GRIK4: variants seen among roughly 807,000 people sequenced by gnomAD.
GRIK4 encodes glutamate receptor ionotropic, kainate 4.
Under a neutral mutation model 104.9 loss-of-function variants are expected in GRIK4, and 40 were observed. The ratio of observed to expected loss-of-function variants is 0.38; its 90% CI spans 0.30 to 0.50. The LOEUF is 0.50. Ranked by LOEUF, GRIK4 falls within the 20% of genes least tolerant of loss-of-function variation. The pLI is 0.93. For missense variants in GRIK4, 1,047 were observed against 1,308.1 expected (o/e 0.80, Z 3.08); for synonymous variants, 485 against 524.9 (o/e 0.92, Z 1.04).
At chr11:120,853,442 A>C (rs1047073668) in intron 8 of GRIK4, among the ~76,000 whole-genome samples, 1 of 152,212 alleles carries the variant, frequency 6.6e-6, no homozygotes, top group Non-Finnish European at 1.5e-5. Flanking sequence ...CAAGCTGGTG[A>C]GGATCTGATT....
At chr11:120,722,612 CAAA>C (rs35167995) in intron 3 of GRIK4, among the ~76,000 whole-genome samples, 5 of 142,052 alleles carry the variant, frequency 3.5e-5, no homozygotes, top group Admixed American at 2.1e-4. Context: ...GAGACTCCAT[CAAA>C]AAAAAAAAAA....
intron 3 of GRIK4, among the ~76,000 whole-genome samples, chr11:120,747,945 T>C (rs556850989): frequency 8.0e-4 from 122 of 152,324 alleles, no homozygotes; most frequent in African/African-American, 2.8e-3. Flanking sequence ...ATGAGTAAAC[T>C]TGACTATTTA....
At chr11:120,576,369 G>A (rs1299155755) in intron 1 of GRIK4, 1 of 152,174 alleles carries the variant, frequency 6.6e-6, no homozygotes, top group Non-Finnish European at 1.5e-5. Context: ...ATAGGTGATA[G>A]ATTTGTCTTC....
At chr11:120,942,600 C>G (rs1452310691) in intron 14 of GRIK4, among the ~76,000 whole-genome samples, 1 of 152,172 alleles carries the variant, frequency 6.6e-6, no homozygotes, top group African/African-American at 2.4e-5. Flanking sequence ...CTGCCCTCCC[C>G]ACCTAGGGCA....
chr11:120,742,363 A>G (rs1951348321), intron 3 of GRIK4, among the ~76,000 whole-genome samples: 2 of 151,310 alleles, frequency 1.3e-5, no homozygotes, highest in South Asian at 4.2e-4. Context: ...AAAAAAAAAA[A>G]GTGGGCAAAG....
At chr11:120,915,435 C>A (rs529573536) in intron 13 of GRIK4, among the ~76,000 whole-genome samples, 1 of 152,110 alleles carries the variant, frequency 6.6e-6, no homozygotes, top group Non-Finnish European at 1.5e-5. Flanking sequence ...TGCCAGGCTG[C>A]GGCTGGGCTC....
chr11:120,732,341 G>A (rs2135393485), intron 3 of GRIK4, among the ~76,000 whole-genome samples: 1 of 152,144 alleles, frequency 6.6e-6, no homozygotes, highest in African/African-American at 2.4e-5. Flanking sequence ...CACCATATTG[G>A]CTAGCCTGGT....
chr11:120,822,360 C>A (rs754919986), intron 6 of GRIK4, among the ~76,000 whole-genome samples: 6 of 151,996 alleles, frequency 3.9e-5, no homozygotes, highest in Non-Finnish European at 8.8e-5. Context: ...AAGGGAGGCC[C>A]AGAAGGTAGC....
Position 120,537,516 on chromosome 11 carries a change from C to G in GRIK4, c.-159+25629C>G, listed in dbSNP as rs147825635. Among the ~76,000 whole-genome samples, 1,519 of 152,268 alleles carry G rather than the reference C, an allele frequency of 1.0e-2. 33 individuals carry two copies. Among genetic ancestry groups the G allele is most frequent in the African/African-American group, 0.034 (1,423 of 41,556 alleles). On this transcript the variant is annotated intron_variant, in intron 1 of 20. Transcript: ENST00000527524. ...TCTGGGATCTTGCCAGGCAGCTTCT[C>G]TACTGCCTGGGGGAGTCCTACCTGG...
At chr11:120,793,178 G>C (rs1480069611) in intron 3 of GRIK4, among the ~76,000 whole-genome samples, 3 of 152,200 alleles carry the variant, frequency 2.0e-5, no homozygotes, top group Non-Finnish European at 2.9e-5. Flanking sequence ...GGCAGGTGCA[G>C]TTTGGGTGGA....
chr11:120,863,825 T>C (rs1954323418), intron 9 of GRIK4, among the ~76,000 whole-genome samples: 1 of 152,218 alleles, frequency 6.6e-6, no homozygotes, highest in African/African-American at 2.4e-5. Context: ...CAAAACTCTG[T>C]GCTTTTATGA....
intron 1 of GRIK4, among the ~76,000 whole-genome samples, chr11:120,620,490 C>A (rs1949173680): frequency 6.6e-6 from 1 of 151,998 alleles, no homozygotes; most frequent in African/African-American, 2.4e-5. Flanking sequence ...TCAGGTATTT[C>A]TTTATAGCAA....
At chr11:120,784,324 C>A (rs1952221086) in intron 3 of GRIK4, among the ~76,000 whole-genome samples, 1 of 152,158 alleles carries the variant, frequency 6.6e-6, no homozygotes, top group Non-Finnish European at 1.5e-5. Context: ...GTGCTTTGAT[C>A]TCCTGGGAAA....
At chr11:120,705,670 C>T (rs1248092255) in intron 3 of GRIK4, among the ~76,000 whole-genome samples, 1 of 152,152 alleles carries the variant, frequency 6.6e-6, no homozygotes, top group African/African-American at 2.4e-5. Context: ...TTAATTGAGT[C>T]GTCTTTAATT....
chr11:120,600,330 GT>G (rs555954078), intron 1 of GRIK4, among the ~76,000 whole-genome samples: 8 of 152,054 alleles, frequency 5.3e-5, no homozygotes, highest in Admixed American at 6.5e-5. Context: ...TTTTATGGGA[GT>G]TTTTCCCCCC....
intron 1 of GRIK4, among the ~76,000 whole-genome samples, chr11:120,612,076 C>T (rs1949044772): frequency 6.6e-6 from 1 of 152,206 alleles, no homozygotes; most frequent in African/African-American, 2.4e-5. Context: ...TTCTGTACCG[C>T]TCCTGTAATA....
At chr11:120,844,961 A>G (rs1163170858) in intron 8 of GRIK4, among the ~76,000 whole-genome samples, 1 of 152,064 alleles carries the variant, frequency 6.6e-6, no homozygotes, top group Non-Finnish European at 1.5e-5. Flanking sequence ...GTCACCTGGG[A>G]CTGTTTCCTT....
At chr11:120,561,867 T>C (rs1948242694) in intron 1 of GRIK4, among the ~76,000 whole-genome samples, 1 of 152,214 alleles carries the variant, frequency 6.6e-6, no homozygotes, top group Non-Finnish European at 1.5e-5. Flanking sequence ...GCTACACAGC[T>C]GATGATGGGA....
At chr11:120,728,642 G>A (rs936285868) in intron 3 of GRIK4, among the ~76,000 whole-genome samples, 1 of 151,986 alleles carries the variant, frequency 6.6e-6, no homozygotes, top group African/African-American at 2.4e-5. Context: ...TACATAGTAG[G>A]TGTATATATT....
Sources: gnomAD v4.1 joint callset for allele counts (sites outside exome capture counted in the v4.1 genomes callset) on GRCh38, gnomAD v4.1.1 for gene constraint, MANE v1.5 for transcripts, NCBI Gene and HGNC (gene_info 2026-07-23, HGNC 2026-07-21) for gene names.